ENOX2: variants seen among roughly 807,000 people sequenced by gnomAD.
ENOX2 encodes the protein APK1 antigen.
A neutral mutation model predicts 45.0 loss-of-function variants in ENOX2; 36 were observed. That is an observed-to-expected ratio of 0.80 (90% CI 0.61 to 1.06). ENOX2 has a LOEUF of 1.06. ENOX2 is among the 50% of genes least tolerant of loss of function. The probability of loss-of-function intolerance (pLI) is 0.00; values close to 1 mark genes in which losing one functional copy is unlikely to be tolerated. For synonymous variants in ENOX2, 174 were observed against 152.3 expected, an observed-to-expected ratio of 1.14 and a Z score of -1.05; for missense variants, 423 against 462.5, an observed-to-expected ratio of 0.91 and a Z score of 0.78.
At chrX:130,673,829 G>C (rs1420716762) in intron 6 of ENOX2, among the ~76,000 whole-genome samples, 1 of 111,976 alleles carries the variant, frequency 8.9e-6, no homozygotes, top group East Asian at 2.8e-4. Flanking sequence ...AAGAAGCTCA[G>C]AGAACACCTG....
intron 3 of ENOX2, among the ~76,000 whole-genome samples, chrX:130,742,274 T>TG (rs2039002712): frequency 1.0e-5 from 1 of 96,445 alleles, no homozygotes; most frequent in African/African-American, 3.8e-5. Context: ...TTTTTTTTTT[T>TG]GTGAAAGGGC....
intron 2 of ENOX2, among the ~76,000 whole-genome samples, chrX:130,828,153 A>T (rs2077754497): frequency 8.9e-6 from 1 of 111,974 alleles, no homozygotes; most frequent in Admixed American, 9.5e-5. Context: ...AGCAAGAAAA[A>T]TAGATATGAG....
chrX:130,800,260 A>G (rs1482368922), intron 2 of ENOX2, among the ~76,000 whole-genome samples: 1 of 110,827 alleles, frequency 9.0e-6, no homozygotes. Context: ...TGTACACATA[A>G]AAGCAAGCAA....
chrX:130,710,849 G>T (rs1333633435), intron 3 of ENOX2, among the ~76,000 whole-genome samples: 4 of 111,883 alleles, frequency 3.6e-5, no homozygotes, highest in African/African-American at 9.8e-5. Flanking sequence ...TCACATCAAA[G>T]AAATGATCCT....
At chrX:130,690,439 AG>A (rs2037562129) in intron 4 of ENOX2, among the ~76,000 whole-genome samples, 1 of 112,397 alleles carries the variant, frequency 8.9e-6, no homozygotes, top group Admixed American at 9.4e-5. Flanking sequence ...CTGTGAGAGA[AG>A]GGAGTGCACT....
intron 2 of ENOX2, among the ~76,000 whole-genome samples, chrX:130,876,101 G>A (rs1186182877): frequency 9.0e-6 from 1 of 111,299 alleles, no homozygotes; most frequent in Non-Finnish European, 1.9e-5. Context: ...ATACGCCTAG[G>A]TATATATATA....
intron 11 of ENOX2, among the ~76,000 whole-genome samples, chrX:130,635,931 T>C (rs2035921123): frequency 8.9e-6 from 1 of 112,653 alleles, no homozygotes; most frequent in South Asian, 3.7e-4. Context: ...CTGAGGTCTT[T>C]GAAGTGATGA....
intron 2 of ENOX2, among the ~76,000 whole-genome samples, chrX:130,857,377 T>C (rs2078327487): frequency 1.8e-5 from 2 of 112,463 alleles, no homozygotes; most frequent in Admixed American, 9.4e-5. Context: ...GTTTTCATTA[T>C]GGTGTTAACT....
chrX:130,723,874 C>T (rs943276902), intron 3 of ENOX2, among the ~76,000 whole-genome samples: 2 of 111,568 alleles, frequency 1.8e-5, no homozygotes, highest in African/African-American at 3.3e-5. Context: ...AATAGCTAAC[C>T]GGGCACCCTT....
chrX:130,897,772 G>A (rs2079082143), intron 2 of ENOX2, among the ~76,000 whole-genome samples: 1 of 112,162 alleles, frequency 8.9e-6, no homozygotes, highest in Non-Finnish European at 1.9e-5. Context: ...AGTCTAAGAA[G>A]TCTGGATATT....
chrX:130,742,824 C>G (rs1021689384), intron 3 of ENOX2, among the ~76,000 whole-genome samples: 1 of 112,211 alleles, frequency 8.9e-6, no homozygotes, highest in Non-Finnish European at 1.9e-5. Context: ...CTGCTAGCCA[C>G]TGCTGTACAC....
intron 10 of ENOX2, among the ~76,000 whole-genome samples, chrX:130,643,469 T>C (rs964559583): frequency 2.7e-5 from 3 of 110,925 alleles, no homozygotes; most frequent in African/African-American, 9.8e-5. Flanking sequence ...TAAGGGTGCA[T>C]ATAGATAAAA....
At chrX:130,722,814 C>T (rs1011722251) in intron 3 of ENOX2, among the ~76,000 whole-genome samples, 7 of 111,898 alleles carry the variant, frequency 6.3e-5, no homozygotes, top group Admixed American at 3.8e-4. Context: ...CGCCAAACCA[C>T]GTGGGGAAAG....
At chrX:130,875,377 A>G (rs2148561776) in intron 2 of ENOX2, among the ~76,000 whole-genome samples, 1 of 110,912 alleles carries the variant, frequency 9.0e-6, no homozygotes, top group Admixed American at 9.6e-5. Context: ...GAGGACTCTC[A>G]TTTCCTGAGA....
Position 130,674,401 on chromosome X carries a change from G to A in ENOX2, c.461-4203C>T, listed in dbSNP as rs1298149222. 2.8e-5 allele frequency among the ~76,000 whole-genome samples: 3 copies of A among 107,939 alleles called. No homozygotes were observed. The East Asian group carries it at 8.7e-4, about 31-fold the overall frequency. The allele number at this position is 107,939 out of a possible 115,157, so 93.7% of individuals were successfully genotyped here. A position where few individuals can be genotyped will look rare whatever the true frequency, so the allele number is the denominator to read the frequency against. On this transcript the variant is annotated intron_variant, in intron 6 of 14. Transcript: ENST00000394363. ...AAAGAACAGAATAGCAGTGAGCTGC[G>A]AGACAACTTCAAGGGGCCTAATATA...
chrX:130,766,203 AATG>A (rs2039613233), intron 3 of ENOX2, among the ~76,000 whole-genome samples: 1 of 111,567 alleles, frequency 9.0e-6, no homozygotes, highest in South Asian at 3.7e-4. Context: ...CCTGATTCAT[AATG>A]ATGTTTTATC....
intron 3 of ENOX2, among the ~76,000 whole-genome samples, chrX:130,762,540 C>G (rs2039517946): frequency 8.9e-6 from 1 of 112,153 alleles, no homozygotes; most frequent in African/African-American, 3.2e-5. Context: ...TGTGATCATG[C>G]CACTGTACTC....
chrX:130,632,902 C>T (rs1005509721), intron 12 of ENOX2, among the ~76,000 whole-genome samples: 17 of 112,274 alleles, frequency 1.5e-4, no homozygotes, highest in African/African-American at 5.5e-4. Flanking sequence ...ATGGGCTTCA[C>T]ATCTGCTTCT....
intron 2 of ENOX2, among the ~76,000 whole-genome samples, chrX:130,825,367 C>CG (rs760144510): frequency 9.0e-6 from 1 of 110,896 alleles, no homozygotes; most frequent in Non-Finnish European, 1.9e-5. Flanking sequence ...ACACCAACTT[C>CG]GGGGGGGTAC....
Sources: allele counts gnomAD v4.1 joint callset (sites outside exome capture counted in the v4.1 genomes callset), GRCh38; gene constraint gnomAD v4.1.1; transcripts MANE v1.5; gene names NCBI Gene and HGNC (gene_info 2026-07-23, HGNC 2026-07-21).